The following ZNF827 variants were observed in gnomAD, a reference collection of about 807,000 sequenced individuals.
ZNF827 encodes zinc finger protein 827.
In ZNF827, 13 loss-of-function variants were observed where a neutral mutation model predicts 102.4. The observed-to-expected ratio is 0.13, with a 90% CI of 0.08 to 0.20. The LOEUF (loss-of-function observed/expected upper bound fraction) is 0.20. ZNF827 is among the 10% of genes least tolerant of loss of function. ZNF827 has a pLI of 1.00. For synonymous variants in ZNF827, 523 were observed against 536.2 expected (o/e 0.98, Z 0.34); for missense variants, 1,103 against 1,344.4 (o/e 0.82, Z 2.81).
At chr4:145,813,828 C>T (rs1436632293) in intron 8 of ZNF827, among the ~76,000 whole-genome samples, 1 of 152,074 alleles carries the variant, frequency 6.6e-6, no homozygotes, top group African/African-American at 2.4e-5. Flanking sequence ...GACAGGAAGA[C>T]CAGCCAGAGG....
At chr4:145,923,839 A>G (rs939774448) in intron 1 of ZNF827, among the ~76,000 whole-genome samples, 2 of 152,228 alleles carry the variant, frequency 1.3e-5, no homozygotes, top group African/African-American at 4.8e-5. Flanking sequence ...ATAGATAAAT[A>G]GATACAATGC....
intron 8 of ZNF827, among the ~76,000 whole-genome samples, chr4:145,791,755 C>G (rs754895905): frequency 1.3e-5 from 2 of 152,186 alleles, no homozygotes; most frequent in Admixed American, 1.3e-4. Context: ...GCTAAGGCTA[C>G]AGGTTTTACT....
chr4:145,761,572 T>C lies in ZNF827; in HGVS notation c.*44A>G. On this transcript the variant is annotated 3_prime_UTR_variant, in exon 15 of 15. Coordinates refer to ENST00000508784, the MANE Select transcript of ZNF827 (RefSeq NM_001306215.2). The surrounding 1 kb of genome is among the most constrained non-coding windows in gnomAD (Gnocchi z 6.8). ...GTGGCACTCCATGGCAGCGGGGCGGTTGGTGGAATAAATGCAGAATGGGCA... is the reference window on the plus strand; with the variant it reads ...GTGGCACTCCATGGCAGCGGGGCGGCTGGTGGAATAAATGCAGAATGGGCA... 7.9e-7 allele frequency: 1 copy of C among 1,273,434 alleles called. No individual in the cohort carries two copies. 78.9% of individuals were successfully genotyped at this position (1,273,434 alleles called of 1,614,324 possible). A position where few individuals can be genotyped will look rare whatever the true frequency, so the allele number is the denominator to read the frequency against.
At chr4:145,807,723 G>C (rs1387757128) in intron 8 of ZNF827, among the ~76,000 whole-genome samples, 1 of 150,028 alleles carries the variant, frequency 6.7e-6, no homozygotes, top group Non-Finnish European at 1.5e-5. Context: ...GCCCGCCTTG[G>C]CCTCCCAAAG....
chr4:145,893,252 T>C (rs1459588976), intron 2 of ZNF827, among the ~76,000 whole-genome samples: 2 of 152,250 alleles, frequency 1.3e-5, no homozygotes, highest in Non-Finnish European at 2.9e-5. Flanking sequence ...GTTGTGACAC[T>C]ATTGCTAAAC....
chr4:145,910,478 C>G (rs1752204214), intron 1 of ZNF827, among the ~76,000 whole-genome samples: 1 of 152,130 alleles, frequency 6.6e-6, no homozygotes, highest in South Asian at 2.1e-4. Flanking sequence ...ACATCCAATT[C>G]ATTCTCGGAT....
At chr4:145,793,937 C>T (rs1740103791) in intron 8 of ZNF827, among the ~76,000 whole-genome samples, 1 of 150,512 alleles carries the variant, frequency 6.6e-6, no homozygotes, top group South Asian at 2.1e-4. Context: ...TCCAGTGAAA[C>T]TCTGACTGGG....
chr4:145,762,590 C>T lies in ZNF827; in HGVS notation c.*17+500G>A, dbSNP rs1344876166. ...ATTCTGGAAGGGCGGATGCTGGTCC[C>T]AGCTCCATCACCTTGTCAGGCTGGA... On this transcript the variant is annotated intron_variant, in intron 14 of 14. Coordinates refer to ENST00000508784, the MANE Select transcript of ZNF827 (RefSeq NM_001306215.2). The surrounding 1 kb of genome is among the most constrained non-coding windows in gnomAD (Gnocchi z 4.9). Among the ~76,000 whole-genome samples, 1 of 152,098 alleles carries T rather than the reference C, an allele frequency of 6.6e-6. No individual in the cohort carries two copies. Among genetic ancestry groups the T allele is most frequent in the Non-Finnish European group, 1.5e-5 (1 of 68,028 alleles).
At chr4:145,909,082 A>G (rs1009734220) in intron 1 of ZNF827, among the ~76,000 whole-genome samples, 2 of 152,256 alleles carry the variant, frequency 1.3e-5, no homozygotes, top group Non-Finnish European at 2.9e-5. Context: ...GTATATTTTT[A>G]TAAAATACAC....
rs996946347 is a variant in ZNF827, at chr4:145,931,267, C to A, written c.43+7098G>T. On this transcript the variant is annotated intron_variant, in intron 1 of 14. Transcript: ENST00000508784. ...ACCATGAACTATAAAGTGTTGTACA[C>A]TTAGCCCTAGATGGAATGAATTACT... Among the ~76,000 whole-genome samples, 4 of 152,204 alleles carry A rather than the reference C, an allele frequency of 2.6e-5. No individual in the cohort carries two copies. In the South Asian group the frequency reaches 8.3e-4, roughly 32 times the overall value.
chr4:145,857,665 T>C (rs1034999728), intron 5 of ZNF827, among the ~76,000 whole-genome samples: 1 of 152,174 alleles, frequency 6.6e-6, no homozygotes, highest in African/African-American at 2.4e-5. Flanking sequence ...ATTAAAATCC[T>C]TCAGTCGCTG....
At chr4:145,881,710 G>A (rs73852213) in intron 4 of ZNF827, among the ~76,000 whole-genome samples, 2 of 152,172 alleles carry the variant, frequency 1.3e-5, no homozygotes, top group African/African-American at 4.8e-5. Context: ...AAACACCTGG[G>A]GCTCCATGAA....
chr4:145,845,302 C>T (rs923963433), intron 7 of ZNF827, among the ~76,000 whole-genome samples: 1 of 152,198 alleles, frequency 6.6e-6, no homozygotes, highest in African/African-American at 2.4e-5. Context: ...GGCTGATCCT[C>T]CTCTTCTCAC....
At position 145,765,291 on chromosome 4, in the gene ZNF827, C is replaced by T; in HGVS notation, c.3053-126G>A. On this transcript the variant is annotated intron_variant, in intron 12 of 14. Coordinates refer to ENST00000508784, the MANE Select transcript of ZNF827 (RefSeq NM_001306215.2). This position sits in a 1 kb window ranked among gnomAD's most constrained non-coding sequence, Gnocchi z 4.7. ...CGCCTGACAGCTATACCCTTCCAGGCACTGTTCCCCATATCTCTGTGCTAA... is the reference window on the plus strand; with the variant it reads ...CGCCTGACAGCTATACCCTTCCAGGTACTGTTCCCCATATCTCTGTGCTAA... The T allele has an allele frequency of 1.8e-6, 2 of 1,097,652 alleles. No homozygotes were observed. The highest frequency in any genetic ancestry group is 2.6e-5 in the East Asian group (1 of 38,332). 68.0% of individuals were successfully genotyped at this position (1,097,652 alleles called of 1,614,324 possible). A position where few individuals can be genotyped will look rare whatever the true frequency, so the allele number is the denominator to read the frequency against.
chr4:145,775,639 G>C, intron 10 of ZNF827, 150 bp downstream of exon 10: 1 of 956,166 alleles, frequency 1.0e-6, no homozygotes, highest in South Asian at 1.6e-5. Flanking sequence ...CAACTGCAGG[G>C]CTCAATCTGA....
intron 1 of ZNF827, among the ~76,000 whole-genome samples, chr4:145,906,803 T>C (rs935141380): frequency 6.6e-5 from 10 of 152,236 alleles, no homozygotes; most frequent in Non-Finnish European, 1.2e-4. Context: ...GCCTAGATAA[T>C]TTCTCAACCA....
rs1467570158 is a variant in ZNF827, at chr4:145,845,522, T to C, written c.2279+434A>G. On this transcript the variant is annotated intron_variant, in intron 7 of 14. Transcript: ENST00000508784. ...ATTTGGGATATCCTTGGTGACAAAT[T>C]ATCAGCCTATAGTCATGGAGGCAGT... Among the ~76,000 whole-genome samples, 3 of 152,156 alleles carry C rather than the reference T, an allele frequency of 2.0e-5. No homozygotes were observed. The East Asian group carries it at 5.8e-4, about 29-fold the overall frequency.
At chr4:145,794,015 G>A (rs937273442) in intron 8 of ZNF827, among the ~76,000 whole-genome samples, 1 of 152,120 alleles carries the variant, frequency 6.6e-6, no homozygotes, top group Non-Finnish European at 1.5e-5. Flanking sequence ...CTGAGGTTCA[G>A]GTTCTTAATC....
chr4:145,780,042 G>T (rs7674735), intron 8 of ZNF827, among the ~76,000 whole-genome samples: 5,359 of 152,186 alleles, frequency 0.035, 304 homozygotes, highest in African/African-American at 0.12. Context: ...AATACAAAGA[G>T]TAGCTGGGCA....
Sources: allele counts gnomAD v4.1 joint callset (sites outside exome capture counted in the v4.1 genomes callset), GRCh38; gene constraint gnomAD v4.1.1; non-coding constraint Gnocchi (gnomAD v3.1); transcripts MANE v1.5; gene names NCBI Gene and HGNC (gene_info 2026-07-23, HGNC 2026-07-21).